Variants in LSG1 observed in about 807,000 individuals in gnomAD.
The protein encoded by LSG1 is large subunit GTPase 1 homolog.
In LSG1, 55 loss-of-function variants were observed where a neutral mutation model predicts 82.6. The observed-to-expected ratio is 0.67, with a 90% CI of 0.54 to 0.83. LSG1 has a LOEUF of 0.83. Ranked by LOEUF, LSG1 falls within the 40% of genes least tolerant of loss-of-function variation. LSG1 has a pLI of 0.00. For missense variants in LSG1, 809 were observed against 807.9 expected (o/e 1.00, Z -0.02); for synonymous variants, 272 against 282.5 (o/e 0.96, Z 0.37).
intron 5 of LSG1, among the ~76,000 whole-genome samples, chr3:194,665,020 C>T (rs2108621489): frequency 6.6e-6 from 1 of 152,200 alleles, no homozygotes; most frequent in East Asian, 1.9e-4. Flanking sequence ...ATGACTCAGC[C>T]CACTGCCTTT....
chr3:194,657,541 G>C (rs1304671954), intron 7 of LSG1, among the ~76,000 whole-genome samples: 1 of 149,986 alleles, frequency 6.7e-6, no homozygotes, highest in Admixed American at 6.7e-5. Flanking sequence ...TTCTGAAAGG[G>C]GATGAACTAA....
At chr3:194,666,390 A>G (rs1719030262) in intron 3 of LSG1, 62 bp downstream of exon 3, 1 of 1,602,438 alleles carries the variant, frequency 6.2e-7, no homozygotes, top group Non-Finnish European at 8.5e-7. Flanking sequence ...GAAGCAATTT[A>G]AAAAATGAAT....
chr3:194,645,876 AAAG>A (rs1718539779), intron 12 of LSG1, among the ~76,000 whole-genome samples: 1 of 152,206 alleles, frequency 6.6e-6, no homozygotes, highest in African/African-American at 2.4e-5. Flanking sequence ...GCTATACTAC[AAAG>A]AAGACTGTGA....
At chr3:194,668,662 A>T (rs1675932) in intron 2 of LSG1, among the ~76,000 whole-genome samples, 36 of 151,948 alleles carry the variant, frequency 2.4e-4, no homozygotes, top group Admixed American at 1.4e-3. Flanking sequence ...AAAGTGATAC[A>T]GTCTCCTAAC....
At chr3:194,662,791 A>C (rs1718961249) in intron 5 of LSG1, among the ~76,000 whole-genome samples, 1 of 152,128 alleles carries the variant, frequency 6.6e-6, no homozygotes, top group African/African-American at 2.4e-5. Flanking sequence ...ACACACACAC[A>C]AAACTGACTG....
chr3:194,644,383 A>AT lies in LSG1; in HGVS notation c.1797+189_1797+190insA, dbSNP rs1553844930. ...GACTCCGTCTCAAAAAAAAAAAATA[A>AT]AAATAAATAAATAAATAAATAAATA... On this transcript the variant is annotated intron_variant, in intron 13 of 13. Coordinates refer to ENST00000265245, the MANE Select transcript of LSG1 (RefSeq NM_018385.3). Among the ~76,000 whole-genome samples, 18 of 132,936 alleles carry AT rather than the reference A, an allele frequency of 1.4e-4. 1 individual carries two copies. Among genetic ancestry groups the AT allele is most frequent in the Non-Finnish European group, 2.2e-4 (14 of 62,852 alleles). 87.2% of individuals were successfully genotyped at this position (132,936 alleles called of 152,430 possible). A position where few individuals can be genotyped will look rare whatever the true frequency, so the allele number is the denominator to read the frequency against.
At chr3:194,661,815 A>T (rs919685847) in intron 5 of LSG1, among the ~76,000 whole-genome samples, 5 of 152,144 alleles carry the variant, frequency 3.3e-5, no homozygotes, top group East Asian at 1.9e-4. Flanking sequence ...TCTCTTATTT[A>T]AAAAAAGGAG....
rs554267445 is a variant in LSG1 at position 194,646,240 on chromosome 3, A to G, written c.1547T>C (p.Met516Thr). The G allele has an allele frequency of 6.3e-5, 101 of 1,613,540 alleles. 1 individual carries two copies. In the South Asian group the frequency reaches 9.6e-4, roughly 15 times the overall value. The change falls in exon 12 of 14, where the codon ATG becomes ACG. Residue 516 changes from methionine (M) to threonine (T), a missense_variant. Physicochemically the swap from Met to Thr is moderately conservative, Grantham distance 81. Coordinates refer to ENST00000265245, the MANE Select transcript of LSG1 (RefSeq NM_018385.3). ...TCCATGCGCTGTCATGAATCCTCGCATGTCTGTGGAGAGAAAAGAATTTTG... is the reference window on the plus strand; with the variant it reads ...TCCATGCGCTGTCATGAATCCTCGCGTGTCTGTGGAGAGAAAAGAATTTTG... ...SEELLTAYGY[M>T]RGFMTAHGQP...
chr3:194,641,809 T>C lies in LSG1; in HGVS notation c.*259A>G, dbSNP rs1337510334. On this transcript the variant is annotated 3_prime_UTR_variant, in exon 14 of 14. Transcript: ENST00000265245. ...TTTTGTATTTTTAGTAGAGACGGGG[T>C]TTCTCCATGTTGGTGCGTGAGCCAC... 1.2e-5 allele frequency: 4 copies of C among 324,334 alleles called. No homozygotes were observed. Among genetic ancestry groups the C allele is most frequent in the African/African-American group, 2.2e-5 (1 of 45,576 alleles). The allele number at this position is 324,334 out of a possible 1,614,324, so 20.1% of individuals were successfully genotyped here.
intron 12 of LSG1, chr3:194,644,980 C>T: frequency 2.7e-6 from 1 of 369,426 alleles, no homozygotes; most frequent in Non-Finnish European, 4.8e-6. Flanking sequence ...AAATCTCTTT[C>T]TTCTTTTCTC....
intron 12 of LSG1, among the ~76,000 whole-genome samples, chr3:194,645,553 C>G (rs866956487): frequency 0.13 from 5,814 of 45,040 alleles, 868 homozygotes; most frequent in East Asian, 0.45. Flanking sequence ...CACACACACA[C>G]ACACACACAC....
Position 194,644,515 on chromosome 3 carries a change from TAAAGCTGTTATAAAAA to T in LSG1, c.1797+42_1797+57del, listed in dbSNP as rs974743179. On this transcript the variant is annotated intron_variant, in intron 13 of 13. Transcript: ENST00000265245. ...TGTGTTTATGGCATGTGATACTCAA[TAAAGCTGTTATAAAAA>T]GAGTGTTGGATCAGAAGTTTAAGAA... The T allele has an allele frequency of 2.5e-5, 35 of 1,401,524 alleles. No individual in the cohort carries two copies. In the Admixed American group the frequency reaches 6.5e-4, roughly 26 times the overall value. The allele number at this position is 1,401,524 out of a possible 1,614,324, so 86.8% of individuals were successfully genotyped here. A position where few individuals can be genotyped will look rare whatever the true frequency, so the allele number is the denominator to read the frequency against.
At position 194,672,182 on chromosome 3, in the gene LSG1, G is replaced by T. The variant is rs374414624; in HGVS notation, c.-20C>A. 3.5e-5 allele frequency: 54 copies of T among 1,560,450 alleles called. No individual in the cohort carries two copies. Among genetic ancestry groups the T allele is most frequent in the Non-Finnish European group, 4.5e-5 (51 of 1,145,600 alleles). ...GCCCATGGCAACACGACCGCTGGAC[G>T]AAGCTTCCCGGCTCGGCGCGTGCAG... On this transcript the variant is annotated 5_prime_UTR_variant, in exon 1 of 14. Transcript: ENST00000265245.
chr3:194,659,105 T>A lies in LSG1; in HGVS notation c.611A>T (p.Asn204Ile). ...LECYVKEMDANKENVILINKA... is the reference protein window; with the variant it reads ...LECYVKEMDAIKENVILINKA... ...GTTGATCAGAATGACGTTCTCCTTA[T>A]TGGCATCCATTTCTTTCACATAACA... Residue 204 changes from asparagine to isoleucine, a missense_variant, in exon 7 of 14, where the codon AAT becomes ATT. Transcript: ENST00000265245. 3 of 1,613,706 alleles carry A rather than the reference T, an allele frequency of 1.9e-6. No individual in the cohort carries two copies. The highest frequency in any genetic ancestry group is 2.5e-6 in the Non-Finnish European group (3 of 1,179,628).
intron 12 of LSG1, chr3:194,645,495 TACACACACACACAC>T (rs56936610): frequency 6.4e-5 from 4 of 62,032 alleles, no homozygotes; most frequent in African/African-American, 2.3e-4. Flanking sequence ...AGCTTAGTGC[TACACACACACACAC>T]ACACACACAC....
chr3:194,669,504 GC>G (rs1252213590), intron 2 of LSG1, among the ~76,000 whole-genome samples: 22 of 151,982 alleles, frequency 1.4e-4, no homozygotes, highest in Non-Finnish European at 3.1e-4. Context: ...ATCACATCCC[GC>G]CCCCTGCACC....
chr3:194,653,799 C>G (rs759376250), intron 7 of LSG1, among the ~76,000 whole-genome samples: 1 of 152,096 alleles, frequency 6.6e-6, no homozygotes, highest in African/African-American at 2.4e-5. Flanking sequence ...GCTTGGGTGG[C>G]GGAGGTGGGA....
At chr3:194,646,010 T>C (rs1282978753) in intron 12 of LSG1, among the ~76,000 whole-genome samples, 154 bp downstream of exon 12, 2 of 152,222 alleles carry the variant, frequency 1.3e-5, no homozygotes, top group East Asian at 3.8e-4. Flanking sequence ...ATGTCTATAA[T>C]CCATATAATG....
At chr3:194,656,611 C>T (rs954438806) in intron 7 of LSG1, among the ~76,000 whole-genome samples, 7 of 152,030 alleles carry the variant, frequency 4.6e-5, no homozygotes, top group African/African-American at 1.4e-4. Flanking sequence ...GGATCTAGAA[C>T]TAGAAATACC....
Sources: gnomAD v4.1 joint callset for allele counts (sites outside exome capture counted in the v4.1 genomes callset) on GRCh38, gnomAD v4.1.1 for gene constraint, MANE v1.5 for transcripts, NCBI Gene and HGNC (gene_info 2026-07-23, HGNC 2026-07-21) for gene names.